The following NOP14 variants were observed in gnomAD, a reference collection of about 807,000 sequenced individuals.
NOP14 encodes nucleolar protein 14.
In NOP14, 57 loss-of-function variants were observed where a neutral mutation model predicts 101.6. That is an observed-to-expected ratio of 0.56 (90% confidence interval 0.45 to 0.70). The LOEUF is 0.70. NOP14 is among the 30% of genes least tolerant of loss of function. The pLI is 0.00. For synonymous variants in NOP14, 428 were observed against 424.0 expected, an observed-to-expected ratio of 1.01 and a Z score of -0.12; for missense variants, 1,134 against 1,075.5, an observed-to-expected ratio of 1.05 and a Z score of -0.76.
intron 16 of NOP14, 62 bp downstream of exon 16, chr4:2,939,462 GCCC>G: frequency 6.3e-7 from 1 of 1,592,506 alleles, no homozygotes; most frequent in Non-Finnish European, 8.6e-7. Context: ...ACTGGCAGAC[GCCC>G]CCCGTCAGCT....
chr4:2,957,732 CTG>C lies in NOP14; in HGVS notation c.202_203del (p.Gln68AspfsTer11). On this transcript the variant is annotated frameshift_variant, in exon 2 of 18. Transcript: ENST00000416614. LOFTEE classifies it high-confidence loss of function. The stretch of plus-strand genomic sequence containing the variant: ...TTTCTTTGTACTCTTTTAGTAAAGT[CTG>C]TGTACGCTGGAAAACAGGTCAGAAA... The part of the protein sequence containing the change: ...SRARALRKRT[Q>X]TLLKEYKERD... 6.2e-7 allele frequency: 1 copy of C among 1,612,868 alleles called. No individual in the cohort carries two copies. Among genetic ancestry groups the C allele is most frequent in the Non-Finnish European group, 8.5e-7 (1 of 1,179,618 alleles).
intron 9 of NOP14, among the ~76,000 whole-genome samples, chr4:2,948,077 A>C (rs1714777849): frequency 6.6e-6 from 1 of 152,260 alleles, no homozygotes; most frequent in Non-Finnish European, 1.5e-5. Context: ...CACGAGGCCT[A>C]GAGAGGGGCC....
intron 16 of NOP14, 88 bp downstream of exon 16, chr4:2,939,439 G>A: frequency 1.3e-6 from 2 of 1,598,516 alleles, no homozygotes; most frequent in Non-Finnish European, 1.7e-6. Flanking sequence ...GTAGTCATCT[G>A]CTCAACTGCA....
chr4:2,949,665 C>A (rs1029571573), intron 8 of NOP14, among the ~76,000 whole-genome samples: 8 of 152,180 alleles, frequency 5.3e-5, no homozygotes, highest in African/African-American at 1.9e-4. Flanking sequence ...AGAGGCTGAC[C>A]ATATACTAAA....
chr4:2,944,199 C>A lies in NOP14; in HGVS notation c.1765G>T (p.Val589Leu), dbSNP rs2109296882. The part of the protein sequence containing the change: ...KCPILSLQDV[V>L]KGLFVCCLFL... Reference sequence around the variant, plus strand: ...AGGCAGCACACGAACAGGCCCTTCACCACGTCCTGGAGGGACAGGATGGGG... The same window carrying A: ...AGGCAGCACACGAACAGGCCCTTCAACACGTCCTGGAGGGACAGGATGGGG... Residue 589 changes from valine to leucine, a missense_variant, in exon 13 of 18, where the codon GTG (valine) becomes TTG (leucine). Physicochemically the swap from Val to Leu is conservative, Grantham distance 32. Transcript: ENST00000416614. 1 of 1,613,994 alleles carries A rather than the reference C, an allele frequency of 6.2e-7. No individual in the cohort carries two copies. The highest frequency in any genetic ancestry group is 8.5e-7 in the Non-Finnish European group (1 of 1,179,952).
chr4:2,938,903 C>G lies in NOP14; in HGVS notation c.2502G>C (p.Lys834Asn), dbSNP rs199637933. 1.2e-6 allele frequency: 2 copies of G among 1,614,184 alleles called. No homozygotes were observed. Among genetic ancestry groups the G allele is most frequent in the African/African-American group, 1.3e-5 (1 of 75,058 alleles). The change falls in exon 18 of 18, where the codon AAG (lysine) becomes AAC (asparagine). Residue 834 changes from lysine (K) to asparagine (N), a missense_variant. Physicochemically the swap from Lys to Asn is moderately conservative, Grantham distance 94 (BLOSUM62 0). Coordinates refer to ENST00000416614, the MANE Select transcript of NOP14 (RefSeq NM_001291978.2). ...GTGTAGCCAGGCTGTTAAAAAGCTG[C>G]TTTACTTTCCGCTTTCTTTCCGCAT... ...ERDAERKRKV[K>N]QLFNSLATQE... is the part of the protein sequence containing the mutation.
intron 10 of NOP14, chr4:2,947,122 T>G: frequency 3.9e-6 from 1 of 258,830 alleles, no homozygotes; most frequent in South Asian, 4.9e-5. Flanking sequence ...AGACAAGAGG[T>G]ACACACTCCC....
chr4:2,941,987 T>C (rs995924994), intron 14 of NOP14: 17 of 642,922 alleles, frequency 2.6e-5, no homozygotes, highest in African/African-American at 1.8e-4. Context: ...AATTATGATT[T>C]GTGAAATCAA....
chr4:2,944,645 G>C (rs1192285257), intron 12 of NOP14, among the ~76,000 whole-genome samples: 1 of 152,164 alleles, frequency 6.6e-6, no homozygotes. Context: ...GACCTCAGGT[G>C]ATCCGCCCGC....
In NOP14 at chr4:2,942,354, G is replaced by A. The variant is rs1714272718; in HGVS notation, c.1892-3C>T. 6.2e-7 allele frequency: 1 copy of A among 1,612,664 alleles called. No individual in the cohort carries two copies. Among genetic ancestry groups the A allele is most frequent in the Non-Finnish European group, 8.5e-7 (1 of 1,178,862 alleles). ...GAAAGGGTGCACCAGAGTGGAACCT[G>A]AATTCCAAGTGCGACAGGACAGAGA... On this transcript the variant is annotated splice_polypyrimidine_tract_variant and splice_region_variant and intron_variant, in intron 13 of 17. Transcript: ENST00000416614.
rs190290564 is a variant in NOP14, at chr4:2,959,571, C to T, written c.196-1831G>A. On this transcript the variant is annotated intron_variant, in intron 1 of 17. Transcript: ENST00000416614. ...TTGTGCCACTGCACTCCAGCCTGGG[C>T]GACAGACAAAGACTCTGTCTCAAAA... is the stretch of plus-strand genomic sequence containing the variant. 8.6e-4 allele frequency among the ~76,000 whole-genome samples: 126 copies of T among 147,130 alleles called. 2 individuals carry two copies. In the East Asian group the frequency reaches 0.019, roughly 22 times the overall value.
chr4:2,960,374 T>C (rs888109309), intron 1 of NOP14, among the ~76,000 whole-genome samples: 3 of 152,124 alleles, frequency 2.0e-5, no homozygotes, highest in Admixed American at 6.6e-5. Context: ...CATCTCTGCC[T>C]CTAAAAATAT....
intron 10 of NOP14, 90 bp from the exon 11 acceptor site, chr4:2,946,637 T>A: frequency 2.5e-6 from 3 of 1,195,974 alleles, no homozygotes; most frequent in Non-Finnish European, 3.6e-6. Context: ...TGCAGTCACC[T>A]GTTGACTGAG....
rs1205533502 is a variant in NOP14 at position 2,953,663 on chromosome 4, G to C, written c.613-18C>G. The C allele has an allele frequency of 3.7e-6, 6 of 1,613,916 alleles. No homozygotes were observed. Among genetic ancestry groups the C allele is most frequent in the Non-Finnish European group, 5.1e-6 (6 of 1,179,964 alleles). On this transcript the variant is annotated intron_variant, in intron 4 of 17. Coordinates refer to ENST00000416614, the MANE Select transcript of NOP14 (RefSeq NM_001291978.2). The stretch of plus-strand genomic sequence containing the variant: ...CTCTCCCTCTGGGGAAAAAATAACA[G>C]ACACACACCACATACCGTTACTACT...
chr4:2,961,329 T>C (rs967274346), intron 1 of NOP14: 7 of 102,818 alleles, frequency 6.8e-5, no homozygotes, highest in African/African-American at 2.8e-4. Flanking sequence ...TACATTAATA[T>C]AACTTATTTT....
At chr4:2,947,148 C>T in intron 10 of NOP14, 1 of 278,606 alleles carries the variant, frequency 3.6e-6, no homozygotes. Flanking sequence ...TGCAAAGCCA[C>T]CCAACTGGGT....
chr4:2,946,503 T>C lies in NOP14; in HGVS notation c.1544A>G (p.Asp515Gly). The change falls in exon 11 of 18, where the codon GAC becomes GGC. Residue 515 changes from aspartate to glycine, a missense_variant. Asp to Gly is a moderately conservative substitution (Grantham distance 94). Transcript: ENST00000416614. ...LCQMFPESASDAIKFVLRDAM... is the reference protein window; with the variant it reads ...LCQMFPESASGAIKFVLRDAM... Reference sequence around the variant, plus strand: ...ATCTCGGAGAACAAATTTGATAGCGTCACTTGCAGATTCAGGAAACATCTG... The same window carrying C: ...ATCTCGGAGAACAAATTTGATAGCGCCACTTGCAGATTCAGGAAACATCTG... 6.2e-7 allele frequency: 1 copy of C among 1,614,144 alleles called. No individual in the cohort carries two copies. Among genetic ancestry groups the C allele is most frequent in the Non-Finnish European group, 8.5e-7 (1 of 1,179,974 alleles).
chr4:2,959,871 G>C (rs1715609692), intron 1 of NOP14, among the ~76,000 whole-genome samples: 1 of 152,030 alleles, frequency 6.6e-6, no homozygotes, highest in East Asian at 1.9e-4. Flanking sequence ...TAAATCACAA[G>C]GTCTAGCTGG....
chr4:2,963,031 C>G, intron 1 of NOP14, 94 bp downstream of exon 1: 1 of 1,302,950 alleles, frequency 7.7e-7, no homozygotes, highest in South Asian at 1.5e-5. Flanking sequence ...TGCCGCTCAA[C>G]GAGGAAACCG....
Sources: gnomAD v4.1 joint callset for allele counts (sites outside exome capture counted in the v4.1 genomes callset) on GRCh38, gnomAD v4.1.1 for gene constraint, MANE v1.5 for transcripts, NCBI Gene and HGNC (gene_info 2026-07-23, HGNC 2026-07-21) for gene names.